The following MTPAP variants were observed in gnomAD, a reference collection of about 807,000 sequenced individuals.
MTPAP encodes poly(A) RNA polymerase, mitochondrial.
Under a neutral mutation model 48.7 loss-of-function variants are expected in MTPAP, and 23 were observed. The observed-to-expected ratio is 0.47, with a 90% CI of 0.34 to 0.67. The LOEUF is 0.67. MTPAP is among the 30% of genes least tolerant of loss of function. The probability of loss-of-function intolerance (pLI) is 0.01; values close to 1 mark genes in which losing one functional copy is unlikely to be tolerated. For missense variants in MTPAP, 614 were observed against 694.3 expected (o/e 0.88, Z 1.30); for synonymous variants, 257 against 254.1 (o/e 1.01, Z -0.11).
intron 2 of MTPAP, among the ~76,000 whole-genome samples, 162 bp downstream of exon 2, chr10:30,341,306 T>A (rs1239970279): frequency 1.3e-5 from 2 of 152,016 alleles, no homozygotes; most frequent in Non-Finnish European, 2.9e-5. Context: ...GAATCCCATA[T>A]CAAAAACAAA....
At chr10:30,349,003 GC>G (rs1194313210) in intron 1 of MTPAP, 115 bp downstream of exon 1, 2 of 1,482,972 alleles carry the variant, frequency 1.3e-6, no homozygotes, top group African/African-American at 1.4e-5. Context: ...ACAGGACACA[GC>G]CCCACCCTCT....
At chr10:30,321,006 C>T (rs188108109) in intron 6 of MTPAP, among the ~76,000 whole-genome samples, 4 of 152,286 alleles carry the variant, frequency 2.6e-5, no homozygotes, top group African/African-American at 9.6e-5. Context: ...TTATGTATGG[C>T]TTACCTCTCC....
chr10:30,342,248 CAG>C (rs924927835), intron 1 of MTPAP, among the ~76,000 whole-genome samples: 72 of 152,178 alleles, frequency 4.7e-4, no homozygotes, highest in African/African-American at 1.7e-3. Context: ...AAAAAAGAGA[CAG>C]AGATTAACAA....
At position 30,313,481 on chromosome 10, in the gene MTPAP, T is replaced by A; in HGVS notation, c.*128A>T. 7.5e-7 allele frequency: 1 copy of A among 1,327,820 alleles called. No individual in the cohort carries two copies. The highest frequency in any genetic ancestry group is 1.1e-6 in the Non-Finnish European group (1 of 935,046). 82.3% of individuals were successfully genotyped at this position (1,327,820 alleles called of 1,614,324 possible). A position where few individuals can be genotyped will look rare whatever the true frequency, so the allele number is the denominator to read the frequency against. On this transcript the variant is annotated 3_prime_UTR_variant, in exon 9 of 9. Coordinates refer to ENST00000263063, the MANE Select transcript of MTPAP (RefSeq NM_018109.4). ...CTTCAGACCAGGTTAAGGGGGCCAA[T>A]GAGAAGATCATGAAAAGTGACATCA...
chr10:30,321,711 G>A (rs1469391588), intron 6 of MTPAP, among the ~76,000 whole-genome samples: 1 of 152,184 alleles, frequency 6.6e-6, no homozygotes, highest in East Asian at 1.9e-4. Context: ...GCACTTAATC[G>A]AATTATCAGG....
Position 30,313,826 on chromosome 10 carries a change from T to C in MTPAP, c.1532A>G (p.Gln511Arg), listed in dbSNP as rs1453037697. 4.3e-6 allele frequency: 7 copies of C among 1,614,234 alleles called. No homozygotes were observed. Among genetic ancestry groups the C allele is most frequent in the Non-Finnish European group, 5.1e-6 (6 of 1,180,034 alleles). ...LARESAWILQ[Q>R]EDTDRPSISS... is the part of the protein sequence containing the mutation. ...TATGGAAGGTCGATCTGTATCTTCC[T>C]GTTGTAAAATCCAGGCACTTTCTCG... Residue 511 changes from glutamine (Q) to arginine (R), a missense_variant, in exon 9 of 9, where the codon CAG becomes CGG. By Grantham distance (43) the Gln-to-Arg change is conservative (BLOSUM62 1). This residue lies in a region of MTPAP where 109 missense variants were observed against 100.5 expected (regional missense o/e 1.08). Transcript: ENST00000263063.
rs530798109 is a variant in MTPAP, at chr10:30,326,564, G to A, written c.852C>T (p.Ile284=). ...VPSERIATQK[I]LSVLGECLDH... ...CAAGGCACTCTCCTAACACAGACAG[G>A]ATCTTCTGAGTTGCAATTCTTTCTG... Residue 284 remains isoleucine, a synonymous_variant, in exon 5 of 9, where the codon ATC becomes ATT. Coordinates refer to ENST00000263063, the MANE Select transcript of MTPAP (RefSeq NM_018109.4). The A allele has an allele frequency of 1.2e-6, 2 of 1,613,988 alleles. No individual in the cohort carries two copies. The highest frequency in any genetic ancestry group is 1.7e-6 in the Non-Finnish European group (2 of 1,179,946).
Position 30,341,186 on chromosome 10 carries a change from C to T in MTPAP, c.330+282G>A, listed in dbSNP as rs540057818. Among the ~76,000 whole-genome samples, 6 of 152,294 alleles carry T rather than the reference C, an allele frequency of 3.9e-5. No individual in the cohort carries two copies. The South Asian group carries it at 1.2e-3, about 32-fold the overall frequency. On this transcript the variant is annotated intron_variant, in intron 2 of 8. Transcript: ENST00000263063. Reference sequence around the variant, plus strand: ...TGATCGTACCTGCCAACAGCCACTGCACTCCAGCATAGGCCACATAGTTGG... The same window carrying T: ...TGATCGTACCTGCCAACAGCCACTGTACTCCAGCATAGGCCACATAGTTGG...
At chr10:30,325,284 G>A (rs1016881784) in intron 5 of MTPAP, among the ~76,000 whole-genome samples, 1 of 152,130 alleles carries the variant, frequency 6.6e-6, no homozygotes, top group Non-Finnish European at 1.5e-5. Context: ...AGAGAAAGTC[G>A]CAAGTACTTA....
intron 4 of MTPAP, among the ~76,000 whole-genome samples, chr10:30,328,415 GCTAA>G (rs1370838889): frequency 3.3e-5 from 5 of 152,174 alleles, no homozygotes; most frequent in Non-Finnish European, 5.9e-5. Context: ...GTATACGTTG[GCTAA>G]CTATTAAAAT....
intron 5 of MTPAP, among the ~76,000 whole-genome samples, chr10:30,323,469 A>AAG (rs953390801): frequency 6.6e-6 from 1 of 151,550 alleles, no homozygotes; most frequent in East Asian, 1.9e-4. Context: ...AAAAAAAAAA[A>AAG]AAAAGAAATA....
chr10:30,314,446 A>G (rs1432881791), intron 8 of MTPAP, among the ~76,000 whole-genome samples: 1 of 152,148 alleles, frequency 6.6e-6, no homozygotes, highest in Non-Finnish European at 1.5e-5. Context: ...CCCTTAAATT[A>G]AATATATTAA....
chr10:30,327,544 T>TAAATAAATA (rs1564520717), intron 4 of MTPAP, among the ~76,000 whole-genome samples: 1 of 136,234 alleles, frequency 7.3e-6, no homozygotes, highest in African/African-American at 2.8e-5. Flanking sequence ...ATAAATAAAT[T>TAAATAAATA]ACTAAAACTC....
chr10:30,341,785 A>C, intron 1 of MTPAP, 145 bp from the exon 2 acceptor site: 1 of 853,522 alleles, frequency 1.2e-6, no homozygotes, highest in Non-Finnish European at 1.9e-6. Context: ...GGGTTAAACT[A>C]TACTACAGTA....
intron 4 of MTPAP, among the ~76,000 whole-genome samples, chr10:30,330,174 C>T (rs377282748): frequency 6.6e-6 from 1 of 152,138 alleles, no homozygotes; most frequent in South Asian, 2.1e-4. Flanking sequence ...CTCTACTGAT[C>T]TGTCATTTAG....
rs199503298 is a variant in MTPAP at position 30,336,961 on chromosome 10, A to G, written c.622T>C (p.Tyr208His). The G allele has an allele frequency of 3.1e-6, 5 of 1,613,688 alleles. No homozygotes were observed. Among genetic ancestry groups the G allele is most frequent in the Non-Finnish European group, 4.2e-6 (5 of 1,180,026 alleles). ...TCTTCAATAAGAGAACAGGTGAGATATCGGAGCTTAGTGTTCTCCTCTGTT... is the reference window on the plus strand; with the variant it reads ...TCTTCAATAAGAGAACAGGTGAGATGTCGGAGCTTAGTGTTCTCCTCTGTT... ...QLTEENTKLR[Y>H]LTCSLIEDMA... The change falls in exon 4 of 9, where the codon TAT becomes CAT. Residue 208 changes from tyrosine to histidine, a missense_variant. Transcript: ENST00000263063.
rs764694615 is a variant in MTPAP, at chr10:30,322,431, G to T, written c.1179C>A (p.Pro393=). 4 of 1,613,172 alleles carry T rather than the reference G, an allele frequency of 2.5e-6. No individual in the cohort carries two copies. In the East Asian group the frequency reaches 8.9e-5, roughly 36 times the overall value. ...MVIFFLQRRS[P]PILPTLDSLK... is the part of the protein sequence containing the mutation. ...AGGAATCTAGTGTTGGAAGAATAGG[G>T]GGTGATCTTCTCTGGAGAAAAAAGA... is the stretch of plus-strand genomic sequence containing the variant. Residue 393 remains proline (P), a synonymous_variant, in exon 6 of 9, where the codon CCC becomes CCA. Coordinates refer to ENST00000263063, the MANE Select transcript of MTPAP (RefSeq NM_018109.4).
Position 30,342,083 on chromosome 10 carries a change from A to T in MTPAP, c.158-443T>A, listed in dbSNP as rs111692002. On this transcript the variant is annotated intron_variant, in intron 1 of 8. Transcript: ENST00000263063. The stretch of plus-strand genomic sequence containing the variant: ...AAACCTCATCTGTACTAAAAATACA[A>T]AAATTAGCCAGGCATGGTGGCGCGC... Among the ~76,000 whole-genome samples, 584 of 152,214 alleles carry T rather than the reference A, an allele frequency of 3.8e-3. 1 individual carries two copies. Among genetic ancestry groups the T allele is most frequent in the African/African-American group, 0.013 (553 of 41,514 alleles).
chr10:30,331,443 G>T (rs1032409007), intron 4 of MTPAP, among the ~76,000 whole-genome samples: 4 of 152,154 alleles, frequency 2.6e-5, no homozygotes, highest in African/African-American at 9.7e-5. Flanking sequence ...AAGACCAAAG[G>T]CAGATTTTAG....
Sources: gnomAD v4.1 joint callset for allele counts (sites outside exome capture counted in the v4.1 genomes callset) on GRCh38, gnomAD v4.1.1 for gene constraint, gnomAD v4.1.1 regional missense constraint, MANE v1.5 for transcripts, NCBI Gene and HGNC (gene_info 2026-07-23, HGNC 2026-07-21) for gene names.